Variants in PTPRN2 observed in about 807,000 individuals in gnomAD.
The protein encoded by PTPRN2 is receptor-type tyrosine-protein phosphatase N2.
Under a neutral mutation model 118.8 loss-of-function variants are expected in PTPRN2, and 74 were observed. The observed-to-expected ratio is 0.62, with a 90% CI of 0.52 to 0.76. The LOEUF (loss-of-function observed/expected upper bound fraction) is 0.76, where lower values mean the gene tolerates loss of function less well. Among genes scored for constraint, PTPRN2 ranks in the 30% least tolerant of loss-of-function variants. PTPRN2 has a pLI of 0.00. For synonymous variants in PTPRN2, 641 were observed against 608.0 expected (o/e 1.05, Z -0.80); for missense variants, 1,481 against 1,394.4 (o/e 1.06, Z -0.99).
At chr7:157,660,361 G>A (rs1428666572) in intron 13 of PTPRN2, among the ~76,000 whole-genome samples, 1 of 152,154 alleles carries the variant, frequency 6.6e-6, no homozygotes, top group East Asian at 1.9e-4. Flanking sequence ...TTTCCTGAGT[G>A]CCATGGAGGG....
At chr7:158,477,817 T>C (rs1196951317) in intron 2 of PTPRN2, among the ~76,000 whole-genome samples, 2 of 152,224 alleles carry the variant, frequency 1.3e-5, no homozygotes, top group Non-Finnish European at 2.9e-5. Context: ...CCCTGCTGCC[T>C]TTCTGGAAAA....
At chr7:158,171,153 CAT>C (rs35916071) in intron 5 of PTPRN2, among the ~76,000 whole-genome samples, 76,688 of 120,430 alleles carry the variant, frequency 0.64, 26,520 homozygotes, top group East Asian at 0.81. Context: ...TATATATACA[CAT>C]ATATATACAC....
intron 12 of PTPRN2, among the ~76,000 whole-genome samples, chr7:157,776,837 T>C (rs117137366): frequency 0.031 from 911 of 29,086 alleles, 9 homozygotes; most frequent in Middle Eastern, 0.075. Context: ...CCTCCCTCTC[T>C]TCCTCCTCCC....
intron 12 of PTPRN2, among the ~76,000 whole-genome samples, chr7:157,696,167 G>C (rs1797763561): frequency 6.9e-6 from 1 of 144,532 alleles, no homozygotes; most frequent in Admixed American, 6.8e-5. Context: ...CATGCATACT[G>C]GGTCTTGGGA....
chr7:157,551,453 C>T (rs1013172833), intron 21 of PTPRN2, among the ~76,000 whole-genome samples: 9 of 151,944 alleles, frequency 5.9e-5, no homozygotes, highest in South Asian at 2.1e-4. Flanking sequence ...AAAGGAAGGC[C>T]GCTGGCCACC....
At position 158,073,572 on chromosome 7, in the gene PTPRN2, A is replaced by G. The variant is rs112822343; in HGVS notation, c.1723+7726T>C. 7.8e-4 allele frequency among the ~76,000 whole-genome samples: 119 copies of G among 152,250 alleles called. 1 individual carries two copies. The highest frequency in any genetic ancestry group is 2.7e-3 in the African/African-American group (111 of 41,540). On this transcript the variant is annotated intron_variant, in intron 11 of 22. Transcript: ENST00000389418. Reference sequence around the variant, plus strand: ...CCGGTATAAAGACACTACCCTTTCTATGCGGAGATGAAGCCGCTTCCTACT... The same window carrying G: ...CCGGTATAAAGACACTACCCTTTCTGTGCGGAGATGAAGCCGCTTCCTACT...
intron 2 of PTPRN2, among the ~76,000 whole-genome samples, chr7:158,435,482 A>T (rs1816512204): frequency 6.6e-6 from 1 of 152,178 alleles, no homozygotes; most frequent in Non-Finnish European, 1.5e-5. Flanking sequence ...CTGTTGTGGG[A>T]ATGCAAAAGG....
At chr7:158,006,542 G>A (rs995603687) in intron 11 of PTPRN2, among the ~76,000 whole-genome samples, 6 of 152,204 alleles carry the variant, frequency 3.9e-5, no homozygotes, top group African/African-American at 1.4e-4. Context: ...GGGAAGAGCC[G>A]CCCGGGATGC....
intron 3 of PTPRN2, among the ~76,000 whole-genome samples, chr7:158,314,138 G>A (rs4909063): frequency 0.91 from 137,841 of 152,194 alleles, 62,797 homozygotes; most frequent in Non-Finnish European, 0.96. Context: ...CCAGTTGCCA[G>A]CACATGGTGA....
chr7:158,035,477 AG>A (rs1202791228), intron 11 of PTPRN2, among the ~76,000 whole-genome samples: 1 of 152,182 alleles, frequency 6.6e-6, no homozygotes, highest in Non-Finnish European at 1.5e-5. Context: ...AGTGGCAGGC[AG>A]GGGGGTCTGT....
intron 5 of PTPRN2, among the ~76,000 whole-genome samples, chr7:158,181,887 G>A (rs1410302635): frequency 6.6e-6 from 1 of 151,856 alleles, no homozygotes; most frequent in East Asian, 1.9e-4. Context: ...TTCATCTTTT[G>A]TATTTGTTTC....
chr7:158,514,323 G>A (rs1271810475), intron 1 of PTPRN2, among the ~76,000 whole-genome samples: 1 of 152,158 alleles, frequency 6.6e-6, no homozygotes, highest in Non-Finnish European at 1.5e-5. Flanking sequence ...CTGGAGAGAG[G>A]GAGTGACGGA....
At chr7:157,840,143 TACC>T (rs572478531) in intron 12 of PTPRN2, among the ~76,000 whole-genome samples, 6 of 136,624 alleles carry the variant, frequency 4.4e-5, no homozygotes, top group South Asian at 2.5e-4. Flanking sequence ...CCGTCACTGT[TACC>T]ACATGTGACT....
rs1563217750 is a variant in PTPRN2 at position 158,376,250 on chromosome 7, A to ACG, written c.164-59319_164-59318insCG. 5.6e-3 allele frequency among the ~76,000 whole-genome samples: 847 copies of ACG among 151,900 alleles called. 9 individuals carry two copies. The highest frequency in any genetic ancestry group is 0.02 in the African/African-American group (807 of 41,274). ...GAGCCACACCCGTCACACGTCCTGC[A>ACG]TGCAGGGTCAGGGGACTCCCCCACA... On this transcript the variant is annotated intron_variant, in intron 2 of 22. Transcript: ENST00000389418.
At chr7:157,955,148 G>A (rs1038659861) in intron 11 of PTPRN2, among the ~76,000 whole-genome samples, 8 of 152,152 alleles carry the variant, frequency 5.3e-5, no homozygotes, top group Admixed American at 2.0e-4. Context: ...ACACACGAAT[G>A]CTGGATTTGT....
chr7:158,198,079 T>A (rs1311061730), intron 4 of PTPRN2, among the ~76,000 whole-genome samples: 1 of 152,210 alleles, frequency 6.6e-6, no homozygotes, highest in African/African-American at 2.4e-5. Context: ...CAGAGTGTAA[T>A]TTAACTGCAG....
At chr7:158,135,352 A>G (rs983990184) in intron 8 of PTPRN2, among the ~76,000 whole-genome samples, 31 of 152,350 alleles carry the variant, frequency 2.0e-4, no homozygotes, top group Non-Finnish European at 4.1e-4. Context: ...TGGATCCTCA[A>G]TGACAATAGG....
Position 157,987,181 on chromosome 7 carries a change from TC to T in PTPRN2, c.1724-88445del, listed in dbSNP as rs1478767753. Among the ~76,000 whole-genome samples the T allele has an allele frequency of 1.3e-5, 2 of 152,166 alleles. No individual in the cohort carries two copies. Among genetic ancestry groups the T allele is most frequent in the Non-Finnish European group, 2.9e-5 (2 of 68,028 alleles). ...TGGTCGGCAACACAGAGATTCCATT[TC>T]TTCCTGGGATTAGGAAGCACGAAGT... On this transcript the variant is annotated intron_variant, in intron 11 of 22. Transcript: ENST00000389418. The surrounding 1 kb of genome is among the most constrained non-coding windows in gnomAD (Gnocchi z 4.3).
At chr7:157,639,413 G>A (rs938960316) in intron 14 of PTPRN2, among the ~76,000 whole-genome samples, 19 of 152,174 alleles carry the variant, frequency 1.2e-4, no homozygotes, top group African/African-American at 2.4e-4. Context: ...AGCACAGTGC[G>A]GCCTCTGCAC....
Sources: allele counts gnomAD v4.1 joint callset (sites outside exome capture counted in the v4.1 genomes callset), GRCh38; gene constraint gnomAD v4.1.1; non-coding constraint Gnocchi (gnomAD v3.1); transcripts MANE v1.5; gene names NCBI Gene and HGNC (gene_info 2026-07-23, HGNC 2026-07-21).